The following GNA12 variants were observed in gnomAD, a reference collection of about 807,000 sequenced individuals.
GNA12 encodes guanine nucleotide-binding protein subunit alpha-12.
GNA12 carries 9 observed loss-of-function variants against 26.0 expected under a neutral mutation model. The ratio of observed to expected loss-of-function variants is 0.35; its 90% confidence interval spans 0.21 to 0.60. GNA12 has a LOEUF of 0.60. Among genes scored for constraint, GNA12 ranks in the 20% least tolerant of loss-of-function variants. The probability of loss-of-function intolerance (pLI) is 0.78; values close to 1 mark genes in which losing one functional copy is unlikely to be tolerated. For missense variants in GNA12, 405 were observed against 525.8 expected (o/e 0.77, Z 2.25); for synonymous variants, 264 against 219.6 (o/e 1.20, Z -1.79).
At chr7:2,788,336 T>C (rs1792418937) in intron 2 of GNA12, among the ~76,000 whole-genome samples, 1 of 152,038 alleles carries the variant, frequency 6.6e-6, no homozygotes, top group East Asian at 1.9e-4. Flanking sequence ...GTAACTGTGT[T>C]CCCGTTCAGG....
chr7:2,767,473 T>C (rs997025450), intron 2 of GNA12, among the ~76,000 whole-genome samples: 3 of 152,222 alleles, frequency 2.0e-5, no homozygotes, highest in Non-Finnish European at 4.4e-5. Flanking sequence ...ACTGAATAAA[T>C]GTACAATCAC....
Position 2,800,638 on chromosome 7 carries a change from AGAGG to A in GNA12, c.310-5499_310-5496del, listed in dbSNP as rs545567187. Among the ~76,000 whole-genome samples the A allele has an allele frequency of 4.5e-3, 691 of 152,300 alleles. 3 individuals carry two copies. The highest frequency in any genetic ancestry group is 0.016 in the African/African-American group (664 of 41,562). ...TGTAAGTTCCAACGATGTGATGTGG[AGAGG>A]GAGGGTTAGCAGAGGCCGAAGGCAA... On this transcript the variant is annotated intron_variant, in intron 1 of 3. Coordinates refer to ENST00000275364, the MANE Select transcript of GNA12 (RefSeq NM_007353.3).
rs558350031 is a variant in GNA12 at position 2,736,768 on chromosome 7, C to T, written c.526-3267G>A. ...CTCGGCTTGCTGCCGCTCAGAACTC[C>T]GTCAGCACCGTCAGGCAGGCACTGC... On this transcript the variant is annotated intron_variant, in intron 2 of 3. Transcript: ENST00000275364. Among the ~76,000 whole-genome samples, 15 of 152,346 alleles carry T rather than the reference C, an allele frequency of 9.8e-5. No individual in the cohort carries two copies. The East Asian group carries it at 2.5e-3, about 25-fold the overall frequency.
chr7:2,801,185 G>A (rs1792800710), intron 1 of GNA12, among the ~76,000 whole-genome samples: 3 of 152,138 alleles, frequency 2.0e-5, no homozygotes, highest in Admixed American at 6.5e-5. Flanking sequence ...CCGCTATCCG[G>A]GAAGGCCCTG....
intron 1 of GNA12, among the ~76,000 whole-genome samples, chr7:2,840,360 C>T (rs1778955283): frequency 6.6e-6 from 1 of 152,210 alleles, no homozygotes; most frequent in Admixed American, 6.5e-5. Flanking sequence ...TCAATTTCCT[C>T]ATTCACTAAA....
At chr7:2,825,674 C>CAA (rs1195978973) in intron 1 of GNA12, among the ~76,000 whole-genome samples, 1 of 152,138 alleles carries the variant, frequency 6.6e-6, no homozygotes, top group African/African-American at 2.4e-5. Flanking sequence ...AACAGGAAAG[C>CAA]AGCCTTATGA....
intron 2 of GNA12, chr7:2,762,807 C>T (rs1424726192): frequency 4.6e-6 from 7 of 1,529,196 alleles, no homozygotes; most frequent in Non-Finnish European, 5.3e-6. Flanking sequence ...GCACTCAGGG[C>T]GGCCTCCCAT....
chr7:2,770,962 G>T (rs1791933105), intron 2 of GNA12, among the ~76,000 whole-genome samples: 1 of 152,166 alleles, frequency 6.6e-6, no homozygotes, highest in Non-Finnish European at 1.5e-5. Context: ...CAGAGCAAAT[G>T]GACAGGGAAC....
chr7:2,738,907 C>T (rs539710390), intron 2 of GNA12, among the ~76,000 whole-genome samples: 2 of 152,290 alleles, frequency 1.3e-5, no homozygotes, highest in East Asian at 3.9e-4. Context: ...CACGCTTTGG[C>T]CCCCTTGCCC....
At chr7:2,785,930 G>C (rs1792348030) in intron 2 of GNA12, among the ~76,000 whole-genome samples, 2 of 152,322 alleles carry the variant, frequency 1.3e-5, no homozygotes, top group South Asian at 4.1e-4. Flanking sequence ...AGTCAGGTGT[G>C]GTGGCGGACG....
chr7:2,751,824 A>G (rs1422861727), intron 2 of GNA12, among the ~76,000 whole-genome samples: 1 of 152,236 alleles, frequency 6.6e-6, no homozygotes, highest in African/African-American at 2.4e-5. Context: ...ATGAAATAGA[A>G]AATTTGAACA....
intron 1 of GNA12, among the ~76,000 whole-genome samples, chr7:2,837,170 G>T (rs1778861363): frequency 6.6e-6 from 1 of 151,764 alleles, no homozygotes; most frequent in South Asian, 2.1e-4. Context: ...GCAGGGCCCA[G>T]TGGGGAAGTG....
intron 2 of GNA12, among the ~76,000 whole-genome samples, chr7:2,772,419 G>C (rs1203337255): frequency 1.3e-5 from 2 of 152,132 alleles, no homozygotes; most frequent in South Asian, 2.1e-4. Flanking sequence ...AATTAGCCGG[G>C]CGTGGTGGTG....
In GNA12 at chr7:2,844,133, C is replaced by A. The variant is rs2114987432; in HGVS notation, c.29G>T (p.Arg10Leu). 1.0e-6 allele frequency: 1 copy of A among 987,330 alleles called. No individual in the cohort carries two copies. The highest frequency in any genetic ancestry group is 1.2e-6 in the Non-Finnish European group (1 of 832,976). The allele number at this position is 987,330 out of a possible 1,614,324, so 61.2% of individuals were successfully genotyped here. The change falls in exon 1 of 4, where the codon CGC (arginine) becomes CTC (leucine). Residue 10 changes from arginine to leucine, a missense_variant. By Grantham distance (102) the Arg-to-Leu change is moderately radical. Transcript: ENST00000275364. MSGVVRTLS[R>L]CLLPAEAGGA... Reference sequence around the variant, plus strand: ...GCCGGCCTCGGCCGGCAGCAGGCAGCGGCTGAGGGTCCGCACCACCCCGGA... The same window carrying A: ...GCCGGCCTCGGCCGGCAGCAGGCAGAGGCTGAGGGTCCGCACCACCCCGGA...
At chr7:2,733,416 G>C (rs1790000555) in intron 3 of GNA12, 35 bp downstream of exon 3, 2 of 1,599,154 alleles carry the variant, frequency 1.3e-6, no homozygotes, top group African/African-American at 2.7e-5. Context: ...TCTAACCCTG[G>C]AGCCCAGCTT....
intron 2 of GNA12, among the ~76,000 whole-genome samples, chr7:2,744,769 GA>G (rs562531755): frequency 1.4e-3 from 214 of 151,820 alleles, no homozygotes; most frequent in African/African-American, 2.1e-3. Context: ...TAAAAACTTT[GA>G]AAAAAAATTA....
intron 2 of GNA12, among the ~76,000 whole-genome samples, chr7:2,779,551 A>T (rs1461759520): frequency 6.6e-6 from 1 of 152,086 alleles, no homozygotes; most frequent in African/African-American, 2.4e-5. Context: ...ATTCACTCTA[A>T]AATTGTTCTC....
chr7:2,758,086 G>A (rs1791387371), intron 2 of GNA12, among the ~76,000 whole-genome samples: 1 of 152,144 alleles, frequency 6.6e-6, no homozygotes, highest in Non-Finnish European at 1.5e-5. Context: ...GGATGAGTCA[G>A]CAGCTGTTGC....
chr7:2,791,195 G>C (rs1583285082), intron 2 of GNA12, among the ~76,000 whole-genome samples: 1 of 152,160 alleles, frequency 6.6e-6, no homozygotes, highest in Admixed American at 6.5e-5. Context: ...AAGTCTTTCT[G>C]TTGAGCATCC....
Sources: allele counts gnomAD v4.1 joint callset (sites outside exome capture counted in the v4.1 genomes callset), GRCh38; gene constraint gnomAD v4.1.1; transcripts MANE v1.5; gene names NCBI Gene and HGNC (gene_info 2026-07-23, HGNC 2026-07-21).